Variants in CSMD1 observed in about 807,000 individuals in gnomAD.
The protein encoded by CSMD1 is CUB and Sushi multiple domains 1.
A neutral mutation model predicts 417.5 loss-of-function variants in CSMD1; 213 were observed. That is an observed-to-expected ratio of 0.51 (90% CI 0.46 to 0.57). CSMD1 has a LOEUF of 0.57. CSMD1 is among the 20% of genes least tolerant of loss of function. The probability of loss-of-function intolerance (pLI) is 0.00; values close to 1 mark genes in which losing one functional copy is unlikely to be tolerated. For missense variants in CSMD1, 6,923 were observed against 4,529.7 expected (o/e 1.53, Z -15.17); for synonymous variants, 2,862 against 1,736.8 (o/e 1.65, Z -16.11).
chr8:3,244,112 A>G lies in CSMD1; in HGVS notation c.4154-13881T>C, dbSNP rs558054491. Among the ~76,000 whole-genome samples the G allele has an allele frequency of 9.2e-5, 14 of 152,352 alleles. 1 individual carries two copies. The South Asian group carries it at 2.9e-3, about 32-fold the overall frequency. ...CTAGTACACAGATCACAACGTGCGC[A>G]TTACATAGACCCTCTGTCGTTCAAC... On this transcript the variant is annotated intron_variant, in intron 26 of 69. Coordinates refer to ENST00000635120, the MANE Select transcript of CSMD1 (RefSeq NM_033225.6).
rs534747827 is a variant in CSMD1 at position 4,901,097 on chromosome 8, A to C, written c.85+93235T>G. 3.3e-5 allele frequency among the ~76,000 whole-genome samples: 5 copies of C among 152,374 alleles called. No individual in the cohort carries two copies. In the East Asian group the frequency reaches 9.6e-4, roughly 29 times the overall value. Reference sequence around the variant, plus strand: ...AGCAATTCAACTTATTATTTTGGGCAACAGTATACCCTCGTCAGTATTACA... The same window carrying C: ...AGCAATTCAACTTATTATTTTGGGCCACAGTATACCCTCGTCAGTATTACA... On this transcript the variant is annotated intron_variant, in intron 1 of 69. Coordinates refer to ENST00000635120, the MANE Select transcript of CSMD1 (RefSeq NM_033225.6).
intron 52 of CSMD1, among the ~76,000 whole-genome samples, chr8:3,010,533 G>A (rs2128962506): frequency 6.6e-6 from 1 of 152,110 alleles, no homozygotes; most frequent in Non-Finnish European, 1.5e-5. Flanking sequence ...ACTTCCTTGG[G>A]CCGCACTCCG....
chr8:4,981,481 G>T (rs1437637091), intron 1 of CSMD1, among the ~76,000 whole-genome samples: 1 of 152,158 alleles, frequency 6.6e-6, no homozygotes, highest in African/African-American at 2.4e-5. Context: ...ATCAATTAGA[G>T]TTTCACAAAT....
intron 1 of CSMD1, among the ~76,000 whole-genome samples, chr8:4,776,374 T>A (rs1796853842): frequency 6.6e-6 from 1 of 152,198 alleles, no homozygotes; most frequent in Admixed American, 6.5e-5. Context: ...GTGCTACTAC[T>A]ATATCTACTA....
chr8:3,102,926 G>C (rs76473656), intron 46 of CSMD1, among the ~76,000 whole-genome samples: 2 of 152,124 alleles, frequency 1.3e-5, no homozygotes, highest in African/African-American at 4.8e-5. Flanking sequence ...TTTATTAGCG[G>C]TCTGAAGAAA....
intron 8 of CSMD1, among the ~76,000 whole-genome samples, chr8:3,587,389 T>C (rs1252643990): frequency 6.6e-6 from 1 of 152,158 alleles, no homozygotes; most frequent in East Asian, 1.9e-4. Context: ...ATGTTTTTAG[T>C]TTGAGAAACC....
intron 26 of CSMD1, among the ~76,000 whole-genome samples, chr8:3,272,399 G>T (rs975258234): frequency 6.6e-6 from 1 of 151,074 alleles, no homozygotes; most frequent in South Asian, 2.1e-4. Context: ...GCTCAGGACT[G>T]ACTTGGCAAT....
At chr8:3,650,135 C>A (rs1797776498) in intron 7 of CSMD1, among the ~76,000 whole-genome samples, 1 of 151,922 alleles carries the variant, frequency 6.6e-6, no homozygotes, top group Admixed American at 6.6e-5. Flanking sequence ...AAAACTTAGC[C>A]AGGCATGGTG....
rs1268897905 is a variant in CSMD1 at position 3,115,502 on chromosome 8, T to TA, written c.6430+2896dup. Among the ~76,000 whole-genome samples, 20 of 152,284 alleles carry TA rather than the reference T, an allele frequency of 1.3e-4. No individual in the cohort carries two copies. In the East Asian group the frequency reaches 3.5e-3, roughly 26 times the overall value. Reference sequence around the variant, plus strand: ...CAGGCGTGAGCCACTGTGCCCGGCCTAAAACCCCCACCTTTTTTTAATTTT... The same window carrying TA: ...CAGGCGTGAGCCACTGTGCCCGGCCTAAAAACCCCCACCTTTTTTTAATTTT... On this transcript the variant is annotated intron_variant, in intron 42 of 69. Transcript: ENST00000635120.
intron 6 of CSMD1, among the ~76,000 whole-genome samples, chr8:3,747,605 C>A (rs1232974438): frequency 1.3e-5 from 2 of 151,812 alleles, no homozygotes; most frequent in Admixed American, 6.6e-5. Flanking sequence ...GGTTAATGAA[C>A]ATTTAGGTGA....
At position 4,499,420 on chromosome 8, in the gene CSMD1, G is replaced by A. The variant is rs142117906; in HGVS notation, c.303-79355C>T. 2.6e-3 allele frequency among the ~76,000 whole-genome samples: 395 copies of A among 152,320 alleles called. 5 individuals are homozygous for A. Among genetic ancestry groups the A allele is most frequent in the African/African-American group, 5.4e-3 (225 of 41,568 alleles). On this transcript the variant is annotated intron_variant, in intron 2 of 69. Transcript: ENST00000635120. ...GGTTCTTATTACTTTATTGAGGCAT[G>A]CACACATCTGACAGACGAAACTGCT...
intron 30 of CSMD1, among the ~76,000 whole-genome samples, chr8:3,210,073 C>T (rs1026028026): frequency 6.6e-6 from 1 of 152,118 alleles, no homozygotes; most frequent in Non-Finnish European, 1.5e-5. Context: ...CCCCAAAATG[C>T]ACCAACTGCA....
intron 4 of CSMD1, among the ~76,000 whole-genome samples, chr8:4,010,434 C>T (rs1273124208): frequency 3.9e-5 from 6 of 152,162 alleles, no homozygotes; most frequent in Non-Finnish European, 5.9e-5. Flanking sequence ...TCAATGTCAA[C>T]ACAGGTAATC....
At chr8:3,225,046 T>C (rs375388796) in intron 27 of CSMD1, among the ~76,000 whole-genome samples, 3 of 152,160 alleles carry the variant, frequency 2.0e-5, no homozygotes, top group Admixed American at 6.6e-5. Context: ...CACTAAAAAA[T>C]ATGTAGAAAA....
At chr8:3,305,871 G>A (rs896744866) in intron 25 of CSMD1, among the ~76,000 whole-genome samples, 1 of 151,988 alleles carries the variant, frequency 6.6e-6, no homozygotes, top group Non-Finnish European at 1.5e-5. Context: ...TAGTAGAGAA[G>A]GGGTTTCACC....
intron 2 of CSMD1, among the ~76,000 whole-genome samples, chr8:4,611,887 G>T (rs1026030366): frequency 1.3e-5 from 2 of 152,088 alleles, no homozygotes; most frequent in Non-Finnish European, 2.9e-5. Flanking sequence ...CATCTTAAAG[G>T]TCAGCTGGCA....
At chr8:4,090,173 G>C (rs145865533) in intron 3 of CSMD1, among the ~76,000 whole-genome samples, 2 of 152,126 alleles carry the variant, frequency 1.3e-5, no homozygotes, top group Admixed American at 1.3e-4. Flanking sequence ...TGTTTTGAGT[G>C]TAACCTCCAC....
At chr8:4,948,102 T>G (rs1032586356) in intron 1 of CSMD1, among the ~76,000 whole-genome samples, 3 of 152,052 alleles carry the variant, frequency 2.0e-5, no homozygotes, top group Non-Finnish European at 4.4e-5. Context: ...AAGTGCCAAT[T>G]ATTTTCCAAA....
intron 6 of CSMD1, among the ~76,000 whole-genome samples, chr8:3,712,457 A>G (rs1465319595): frequency 6.6e-6 from 1 of 150,934 alleles, no homozygotes. Context: ...AGAGAGAGAA[A>G]CTAGAGCTGC....
Sources: gnomAD v4.1 joint callset for allele counts (sites outside exome capture counted in the v4.1 genomes callset) on GRCh38, gnomAD v4.1.1 for gene constraint, MANE v1.5 for transcripts, NCBI Gene and HGNC (gene_info 2026-07-23, HGNC 2026-07-21) for gene names.